Variants in ATP9B observed in about 807,000 individuals in gnomAD.
ATP9B encodes ATPase phospholipid transporting 9B.
ATP9B carries 110 observed loss-of-function variants against 146.1 expected under a neutral mutation model. The ratio of observed to expected loss-of-function variants is 0.75; its 90% CI spans 0.65 to 0.88. ATP9B has a LOEUF of 0.88. Ranked by LOEUF, ATP9B falls within the 40% of genes least tolerant of loss-of-function variation. ATP9B has a pLI of 0.00. For missense variants in ATP9B, 1,499 were observed against 1,496.4 expected, an observed-to-expected ratio of 1.00 and a Z score of -0.03; for synonymous variants, 604 against 569.7, an observed-to-expected ratio of 1.06 and a Z score of -0.86.
At chr18:79,231,365 A>G (rs1264499923) in intron 11 of ATP9B, among the ~76,000 whole-genome samples, 1 of 152,234 alleles carries the variant, frequency 6.6e-6, no homozygotes, top group African/African-American at 2.4e-5. Flanking sequence ...AAAAGAAGGT[A>G]TACAAATGGC....
intron 8 of ATP9B, among the ~76,000 whole-genome samples, chr18:79,190,941 C>A (rs932430416): frequency 2.0e-5 from 3 of 152,218 alleles, no homozygotes; most frequent in Admixed American, 6.5e-5. Context: ...TTGTTCCTTA[C>A]CATTCCTTCT....
In ATP9B at chr18:79,235,444, G is replaced by T. The variant is rs376929631; in HGVS notation, c.1108-17937G>T. 2.4e-3 allele frequency among the ~76,000 whole-genome samples: 366 copies of T among 151,982 alleles called. 2 individuals are homozygous for T. The highest frequency in any genetic ancestry group is 6.5e-3 in the South Asian group (31 of 4,798). Reference sequence around the variant, plus strand: ...TACTTGTTTTCTGTGACACTTTTTGGTTTTTGTTTTTTATATTATTGACGG... The same window carrying T: ...TACTTGTTTTCTGTGACACTTTTTGTTTTTTGTTTTTTATATTATTGACGG... On this transcript the variant is annotated intron_variant, in intron 11 of 29. Transcript: ENST00000426216.
chr18:79,175,416 ATCTATTCCTGTTCCCT>A (rs2095149057), intron 7 of ATP9B, among the ~76,000 whole-genome samples: 1 of 152,188 alleles, frequency 6.6e-6, no homozygotes, highest in Non-Finnish European at 1.5e-5. Context: ...AAGGCCTAGC[ATCTATTCCTGTTCCCT>A]TCCTGCCTCT....
chr18:79,376,630 TC>T (rs1424655136), intron 29 of ATP9B, among the ~76,000 whole-genome samples: 1 of 151,754 alleles, frequency 6.6e-6, no homozygotes, highest in Non-Finnish European at 1.5e-5. Context: ...CCTCAGGTGA[TC>T]CACCCACCTC....
chr18:79,125,349 T>C (rs1451912773), intron 4 of ATP9B, among the ~76,000 whole-genome samples: 3 of 152,188 alleles, frequency 2.0e-5, no homozygotes, highest in Non-Finnish European at 4.4e-5. Flanking sequence ...GAAGAATCCA[T>C]GTTTAAGTCA....
chr18:79,344,207 C>G (rs1391526729), intron 20 of ATP9B, 58 bp from the exon 21 acceptor site: 6 of 1,463,560 alleles, frequency 4.1e-6, no homozygotes, highest in Non-Finnish European at 5.7e-6. Context: ...CCCTGTTTCT[C>G]TGTGCCTGTA....
chr18:79,271,853 C>G (rs2096258572), intron 12 of ATP9B, among the ~76,000 whole-genome samples: 1 of 152,052 alleles, frequency 6.6e-6, no homozygotes, highest in Non-Finnish European at 1.5e-5. Context: ...ACAGTCCCAC[C>G]AACAGTGTAA....
chr18:79,354,013 A>G (rs2096936431), intron 25 of ATP9B: 1 of 152,240 alleles, frequency 6.6e-6, no homozygotes, highest in Non-Finnish European at 1.5e-5. Flanking sequence ...AAACAGAATG[A>G]TGTGAAATAG....
intron 13 of ATP9B, among the ~76,000 whole-genome samples, chr18:79,284,736 G>C (rs998789034): frequency 6.6e-6 from 1 of 151,396 alleles, no homozygotes; most frequent in African/African-American, 2.4e-5. Flanking sequence ...TCATTATTTA[G>C]CTTTAGATAT....
At chr18:79,134,853 T>A (rs949725201) in intron 5 of ATP9B, among the ~76,000 whole-genome samples, 9 of 152,250 alleles carry the variant, frequency 5.9e-5, no homozygotes, top group Non-Finnish European at 1.3e-4. Context: ...TTAAATATCC[T>A]GATCTTTTGT....
intron 7 of ATP9B, among the ~76,000 whole-genome samples, chr18:79,167,576 G>A (rs2094991060): frequency 6.6e-6 from 1 of 152,166 alleles, no homozygotes; most frequent in Admixed American, 6.5e-5. Flanking sequence ...GGAGTGGGTA[G>A]CTCCTTCCCA....
intron 7 of ATP9B, among the ~76,000 whole-genome samples, chr18:79,157,410 A>AAAAAACAAAC (rs1319806832): frequency 1.1e-3 from 163 of 146,004 alleles, no homozygotes; most frequent in Non-Finnish European, 2.0e-3. Context: ...AAAAAAAAAA[A>AAAAAACAAAC]AAAAAAAAAA....
chr18:79,273,406 C>T (rs2096276083), intron 12 of ATP9B, among the ~76,000 whole-genome samples: 4 of 152,308 alleles, frequency 2.6e-5, no homozygotes, highest in Middle Eastern at 3.4e-3. Context: ...GTGACAAATG[C>T]TGGGAAAAAT....
At chr18:79,104,488 C>T (rs1249176346) in intron 2 of ATP9B, among the ~76,000 whole-genome samples, 2 of 152,064 alleles carry the variant, frequency 1.3e-5, no homozygotes, top group Non-Finnish European at 2.9e-5. Context: ...ACAAGAATTG[C>T]GGACTTTAGA....
At chr18:79,118,390 G>GTTTTTTTTTT (rs752788043) in intron 4 of ATP9B, among the ~76,000 whole-genome samples, 3 of 93,278 alleles carry the variant, frequency 3.2e-5, no homozygotes, top group Non-Finnish European at 6.5e-5. Flanking sequence ...GAACGTTTTT[G>GTTTTTTTTTT]TTTTTTTTTT....
At chr18:79,368,077 A>ATGGCCCCGGGTGAGCTGGACGGCGCCG (rs1024122249) in intron 26 of ATP9B, among the ~76,000 whole-genome samples, 12 of 151,862 alleles carry the variant, frequency 7.9e-5, no homozygotes, top group African/African-American at 2.7e-4. Context: ...GGAGGGCGCC[A>ATGGCCCCGGGTGAGCTGGACGGCGCCG]TGGCCCCGGG....
chr18:79,201,386 C>T (rs1158301410), intron 9 of ATP9B, among the ~76,000 whole-genome samples: 1 of 152,088 alleles, frequency 6.6e-6, no homozygotes, highest in African/African-American at 2.4e-5. Context: ...ACTTATCTTC[C>T]TTTTTTATAG....
rs371273382 is a variant in ATP9B at position 79,238,022 on chromosome 18, C to A, written c.1108-15359C>A. Among the ~76,000 whole-genome samples the A allele has an allele frequency of 2.4e-3, 366 of 152,030 alleles. 2 individuals carry two copies. Among genetic ancestry groups the A allele is most frequent in the South Asian group, 6.4e-3 (31 of 4,824 alleles). On this transcript the variant is annotated intron_variant, in intron 11 of 29. Transcript: ENST00000426216. Reference sequence around the variant, plus strand: ...TTTTTGATGCTATTTCAATTATTATCTTTTAGAAAATTTTATATTCTGTTT... The same window carrying A: ...TTTTTGATGCTATTTCAATTATTATATTTTAGAAAATTTTATATTCTGTTT...
At chr18:79,297,109 C>CACAGACGACCCAGAGAGGAG (rs1229304803) in intron 13 of ATP9B, among the ~76,000 whole-genome samples, 16 of 139,344 alleles carry the variant, frequency 1.1e-4, no homozygotes, top group Non-Finnish European at 2.2e-4. Flanking sequence ...AGAGAGAAGA[C>CACAGACGACCCAGAGAGGAG]ACAGACGACC....
Sources: gnomAD v4.1 joint callset for allele counts (sites outside exome capture counted in the v4.1 genomes callset) on GRCh38, gnomAD v4.1.1 for gene constraint, MANE v1.5 for transcripts, NCBI Gene and HGNC (gene_info 2026-07-23, HGNC 2026-07-21) for gene names.